ABTB3: variants seen among roughly 807,000 people sequenced by gnomAD.
ABTB3 encodes the protein ankyrin repeat- and BTB/POZ domain-containing protein 3.
chr12:107,603,470 C>A, the ABTB3 span, among the ~76,000 whole-genome samples: 4 of 152,132 alleles, frequency 2.6e-5, no homozygotes, highest in Non-Finnish European at 5.9e-5. Context: ...CACACAATGG[C>A]AAAGGACGCT....
At chr12:107,554,571 A>G in the ABTB3 span, among the ~76,000 whole-genome samples, 2 of 152,230 alleles carry the variant, frequency 1.3e-5, no homozygotes, top group Non-Finnish European at 2.9e-5. Context: ...TAGCCTTTTT[A>G]TAGATAATAG....
chr12:107,635,863 C>A, the ABTB3 span, among the ~76,000 whole-genome samples: 7 of 84,442 alleles, frequency 8.3e-5, no homozygotes, highest in South Asian at 1.9e-3. Flanking sequence ...CCCCCCCCCC[C>A]ACCCACCCAC....
the ABTB3 span, among the ~76,000 whole-genome samples, chr12:107,531,645 AG>A: frequency 6.6e-6 from 1 of 152,138 alleles, no homozygotes; most frequent in Admixed American, 6.5e-5. Flanking sequence ...CAGCCCTCAC[AG>A]GACCCAAGCC....
chr12:107,576,432 G>T, the ABTB3 span, among the ~76,000 whole-genome samples: 3 of 152,204 alleles, frequency 2.0e-5, no homozygotes, highest in African/African-American at 4.8e-5. Context: ...TTCTTGGCGT[G>T]CATGGCCACC....
At chr12:107,566,547 G>T in the ABTB3 span, among the ~76,000 whole-genome samples, 1 of 152,002 alleles carries the variant, frequency 6.6e-6, no homozygotes, top group Non-Finnish European at 1.5e-5. Flanking sequence ...CTCTCCGAAG[G>T]TTTGTTACTG....
At chr12:107,476,506 A>T in the ABTB3 span, among the ~76,000 whole-genome samples, 1 of 152,110 alleles carries the variant, frequency 6.6e-6, no homozygotes, top group African/African-American at 2.4e-5. Context: ...CATCTTCAAA[A>T]TAGAGATAAT....
the ABTB3 span, among the ~76,000 whole-genome samples, chr12:107,492,834 T>C: frequency 8.5e-5 from 13 of 152,250 alleles, 1 homozygote; most frequent in African/African-American, 3.1e-4. Flanking sequence ...TCTGCCTGTT[T>C]ATGAGCTTTG....
At chr12:107,422,438 C>T in the ABTB3 span, among the ~76,000 whole-genome samples, 1 of 152,110 alleles carries the variant, frequency 6.6e-6, no homozygotes, top group African/African-American at 2.4e-5. Flanking sequence ...TGGTTCCAAG[C>T]AGAAGAGTGA....
At chr12:107,363,149 G>GC in the ABTB3 span, among the ~76,000 whole-genome samples, 1 of 152,224 alleles carries the variant, frequency 6.6e-6, no homozygotes, top group Admixed American at 6.5e-5. Context: ...GAAATGGCAT[G>GC]CCCCTCACTG....
chr12:107,423,033 C>T, the ABTB3 span, among the ~76,000 whole-genome samples: 1 of 152,214 alleles, frequency 6.6e-6, no homozygotes. Context: ...CTGACACAAT[C>T]ACTCTGTCCA....
chr12:107,578,383 C>CTTTTTTTTTTTTTT, the ABTB3 span, among the ~76,000 whole-genome samples: 346 of 57,228 alleles, frequency 6.0e-3, 8 homozygotes, highest in East Asian at 0.011. Context: ...CTTTCTTCTT[C>CTTTTTTTTTTTTTT]TTTTTTTTTT....
At chr12:107,464,833 T>C in the ABTB3 span, among the ~76,000 whole-genome samples, 37 of 152,314 alleles carry the variant, frequency 2.4e-4, no homozygotes, top group South Asian at 7.0e-3. Flanking sequence ...GGGCAATGTC[T>C]GCAAACATTT....
chr12:107,483,449 G>C, the ABTB3 span, among the ~76,000 whole-genome samples: 1 of 152,144 alleles, frequency 6.6e-6, no homozygotes, highest in South Asian at 2.1e-4. Flanking sequence ...GGACTGATGG[G>C]TACTTAGACC....
the ABTB3 span, among the ~76,000 whole-genome samples, chr12:107,382,102 A>T: frequency 5.3e-5 from 8 of 152,316 alleles, 1 homozygote; most frequent in South Asian, 1.5e-3. Context: ...ACAAGAACAA[A>T]TTGGCCAGCA....
chr12:107,443,897 G>A, the ABTB3 span, among the ~76,000 whole-genome samples: 3 of 152,170 alleles, frequency 2.0e-5, no homozygotes, highest in Non-Finnish European at 4.4e-5. Context: ...TGCTCCACCA[G>A]GTGTTGAGAC....
the ABTB3 span, among the ~76,000 whole-genome samples, chr12:107,422,204 G>A: frequency 4.6e-4 from 70 of 152,228 alleles, no homozygotes; most frequent in Middle Eastern, 0.01. Context: ...AGGAACAAGC[G>A]TGAAGTTCCT....
chr12:107,590,334 C>A, the ABTB3 span, among the ~76,000 whole-genome samples: 3 of 152,202 alleles, frequency 2.0e-5, no homozygotes, highest in African/African-American at 4.8e-5. Flanking sequence ...GGGCACTTGG[C>A]AAACAGGTGC....
the ABTB3 span, among the ~76,000 whole-genome samples, chr12:107,583,738 A>G: frequency 6.6e-6 from 1 of 152,204 alleles, no homozygotes; most frequent in African/African-American, 2.4e-5. Context: ...CAATTTCAGC[A>G]TCTGTCCAGT....
At chr12:107,508,438 C>CTTTTTTTTTTTTTTTG in the ABTB3 span, among the ~76,000 whole-genome samples, 5 of 69,150 alleles carry the variant, frequency 7.2e-5, no homozygotes, top group African/African-American at 1.1e-4. Flanking sequence ...AAGATCATTT[C>CTTTTTTTTTTTTTTTG]TTTTTTTTTT....
Sources: allele counts gnomAD v4.1 joint callset (sites outside exome capture counted in the v4.1 genomes callset), GRCh38; gene constraint gnomAD v4.1.1; transcripts MANE v1.5; gene names NCBI Gene and HGNC (gene_info 2026-07-23, HGNC 2026-07-21).